TMEM132D: variants seen among roughly 807,000 people sequenced by gnomAD.
TMEM132D encodes mature OL transmembrane protein.
TMEM132D carries 21 observed loss-of-function variants against 62.3 expected under a neutral mutation model. The observed-to-expected ratio is 0.34, with a 90% CI of 0.24 to 0.49. The LOEUF is 0.49. Among genes scored for constraint, TMEM132D ranks in the 20% least tolerant of loss-of-function variants. The pLI is 0.99. For missense variants in TMEM132D, 1,346 were observed against 1,402.8 expected, an observed-to-expected ratio of 0.96 and a Z score of 0.65; for synonymous variants, 621 against 575.6, an observed-to-expected ratio of 1.08 and a Z score of -1.13.
At chr12:129,541,250 A>G (rs1367426503) in intron 2 of TMEM132D, among the ~76,000 whole-genome samples, 3 of 152,214 alleles carry the variant, frequency 2.0e-5, no homozygotes, top group African/African-American at 7.2e-5. Flanking sequence ...GTAGACATAC[A>G]CAGATGTCTT....
chr12:129,748,745 T>C (rs1264324479), intron 1 of TMEM132D, among the ~76,000 whole-genome samples: 1 of 152,224 alleles, frequency 6.6e-6, no homozygotes, highest in Admixed American at 6.5e-5. Context: ...ATGTGTGATT[T>C]GACAAGCATC....
chr12:129,152,561 C>A (rs1416026971), intron 5 of TMEM132D, among the ~76,000 whole-genome samples: 1 of 152,190 alleles, frequency 6.6e-6, no homozygotes, highest in African/African-American at 2.4e-5. Context: ...TTTGCCTGGG[C>A]TGAGGGCCAT....
intron 2 of TMEM132D, among the ~76,000 whole-genome samples, chr12:129,559,761 A>G (rs1877163080): frequency 6.6e-6 from 1 of 152,236 alleles, no homozygotes. Context: ...TAGAATCTTT[A>G]ATATTAAGCC....
intron 1 of TMEM132D, among the ~76,000 whole-genome samples, chr12:129,752,198 T>C (rs1238154551): frequency 6.6e-6 from 1 of 152,174 alleles, no homozygotes; most frequent in Non-Finnish European, 1.5e-5. Flanking sequence ...AATGTTGCTA[T>C]ATTTTAAGTG....
At chr12:129,377,464 A>G (rs1182897956) in intron 3 of TMEM132D, among the ~76,000 whole-genome samples, 2 of 152,198 alleles carry the variant, frequency 1.3e-5, no homozygotes, top group Admixed American at 1.3e-4. Flanking sequence ...CCAGGCTTTG[A>G]AAAAAGCATA....
chr12:129,590,833 G>T (rs1878165974), intron 2 of TMEM132D, among the ~76,000 whole-genome samples: 1 of 152,158 alleles, frequency 6.6e-6, no homozygotes, highest in South Asian at 2.1e-4. Context: ...AGGAGGTCCT[G>T]AGACCTCACC....
intron 2 of TMEM132D, among the ~76,000 whole-genome samples, chr12:129,616,111 G>A (rs1021088261): frequency 6.6e-6 from 1 of 152,180 alleles, no homozygotes; most frequent in Non-Finnish European, 1.5e-5. Flanking sequence ...TCCTTGTTTG[G>A]TGGGTAAATA....
chr12:129,698,848 A>G (rs1344959383), intron 2 of TMEM132D, among the ~76,000 whole-genome samples: 1 of 152,058 alleles, frequency 6.6e-6, no homozygotes. Context: ...AAAAGCAGCC[A>G]TAAATCCCAT....
chr12:129,649,407 G>T (rs1879865090), intron 2 of TMEM132D, among the ~76,000 whole-genome samples: 1 of 152,022 alleles, frequency 6.6e-6, no homozygotes, highest in South Asian at 2.1e-4. Flanking sequence ...CCTCAAGAAA[G>T]CACCCCCACA....
chr12:129,469,330 GA>G (rs1874023371), intron 3 of TMEM132D, among the ~76,000 whole-genome samples: 1 of 152,162 alleles, frequency 6.6e-6, no homozygotes, highest in East Asian at 1.9e-4. Flanking sequence ...CCAACTCTGT[GA>G]TAACCTTTCT....
intron 1 of TMEM132D, among the ~76,000 whole-genome samples, chr12:129,751,282 G>T (rs967565276): frequency 1.3e-5 from 2 of 152,154 alleles, no homozygotes; most frequent in Non-Finnish European, 2.9e-5. Flanking sequence ...CTTAACCATG[G>T]CAGAGCAGGA....
intron 4 of TMEM132D, among the ~76,000 whole-genome samples, chr12:129,230,668 A>G (rs1001207137): frequency 6.6e-5 from 10 of 152,204 alleles, no homozygotes; most frequent in African/African-American, 2.2e-4. Flanking sequence ...TCAGTTCCAG[A>G]TTCAGATCTC....
chr12:129,167,171 C>CA (rs199851377), intron 5 of TMEM132D, among the ~76,000 whole-genome samples: 3,182 of 51,664 alleles, frequency 0.062, 61 homozygotes, highest in South Asian at 0.21. Flanking sequence ...AAAAAAAAAA[C>CA]AAAAAAAAAA....
chr12:129,186,179 T>C (rs1878218271), intron 5 of TMEM132D, among the ~76,000 whole-genome samples: 1 of 152,198 alleles, frequency 6.6e-6, no homozygotes, highest in Non-Finnish European at 1.5e-5. Context: ...CTATTGACAG[T>C]GCAGAAGCCT....
At chr12:129,747,472 A>C (rs1340353647) in intron 1 of TMEM132D, among the ~76,000 whole-genome samples, 1 of 150,404 alleles carries the variant, frequency 6.6e-6, no homozygotes, top group Non-Finnish European at 1.5e-5. Flanking sequence ...ATTCAGACAC[A>C]CACACTCTCA....
chr12:129,241,685 C>T (rs1305126757), intron 4 of TMEM132D, among the ~76,000 whole-genome samples: 1 of 152,164 alleles, frequency 6.6e-6, no homozygotes, highest in Non-Finnish European at 1.5e-5. Context: ...TAGCACTTGT[C>T]ATAGATAAAA....
intron 1 of TMEM132D, among the ~76,000 whole-genome samples, chr12:129,717,886 G>C (rs1868648764): frequency 6.6e-6 from 1 of 152,170 alleles, no homozygotes; most frequent in African/African-American, 2.4e-5. Context: ...GTGCGCTCGT[G>C]CTGGTGGAGC....
chr12:129,153,277 G>C (rs767085444), intron 5 of TMEM132D, among the ~76,000 whole-genome samples: 1 of 152,202 alleles, frequency 6.6e-6, no homozygotes. Context: ...GCAAGTCAGA[G>C]AGCTATGCCT....
chr12:129,162,721 C>T (rs1877435634), intron 5 of TMEM132D, among the ~76,000 whole-genome samples: 1 of 152,190 alleles, frequency 6.6e-6, no homozygotes, highest in Non-Finnish European at 1.5e-5. Context: ...CCATCTCCCC[C>T]TCTGCCTTCC....
Sources: gnomAD v4.1 joint callset for allele counts (sites outside exome capture counted in the v4.1 genomes callset) on GRCh38, gnomAD v4.1.1 for gene constraint, MANE v1.5 for transcripts, NCBI Gene and HGNC (gene_info 2026-07-23, HGNC 2026-07-21) for gene names.